Variants in MEGF6 observed in about 807,000 individuals in gnomAD.
MEGF6 encodes multiple EGF like domains 6.
A neutral mutation model predicts 207.1 loss-of-function variants in MEGF6; 184 were observed. The ratio of observed to expected loss-of-function variants is 0.89; its 90% confidence interval spans 0.79 to 1.00. The LOEUF (loss-of-function observed/expected upper bound fraction) is 1.00, where lower values mean the gene tolerates loss of function less well. Ranked by LOEUF, MEGF6 falls within the 50% of genes least tolerant of loss-of-function variation. The pLI is 0.00. For synonymous variants in MEGF6, 1,038 were observed against 910.0 expected (o/e 1.14, Z -2.53); for missense variants, 2,282 against 2,202.9 (o/e 1.04, Z -0.72).
chr1:3,554,166 C>A (rs1174118692), intron 4 of MEGF6, among the ~76,000 whole-genome samples: 4 of 152,158 alleles, frequency 2.6e-5, no homozygotes, highest in Admixed American at 6.5e-5. Context: ...GCCACCGTGA[C>A]CCCCTTGCCA....
upstream of MEGF6, among the ~76,000 whole-genome samples, chr1:3,611,962 A>AG (rs1440531396): frequency 6.6e-6 from 1 of 152,102 alleles, no homozygotes; most frequent in African/African-American, 2.4e-5. Context: ...GACAGCCCTC[A>AG]GCCTCCCTCA....
intron 3 of MEGF6, among the ~76,000 whole-genome samples, chr1:3,586,087 A>G (rs187743971): frequency 7.3e-6 from 1 of 137,010 alleles, no homozygotes; most frequent in South Asian, 2.3e-4. Flanking sequence ...TGTGGGTGTG[A>G]GGACACATGT....
At position 3,553,287 on chromosome 1, in the gene MEGF6, T is replaced by C. The variant is rs567609004; in HGVS notation, c.481+26538A>G. On this transcript the variant is annotated intron_variant, in intron 4 of 36. Transcript: ENST00000356575. ...CCCAGCTCCCCCCACCCCAGGGTAC[T>C]CCGGGTACCCTGTGAGCCTGGCGCC... 4.6e-4 allele frequency among the ~76,000 whole-genome samples: 69 copies of C among 151,538 alleles called. 1 individual carries two copies. Among genetic ancestry groups the C allele is most frequent in the African/African-American group, 1.5e-3 (63 of 41,240 alleles).
chr1:3,533,960 C>G (rs1044914065), intron 4 of MEGF6, among the ~76,000 whole-genome samples: 6 of 152,298 alleles, frequency 3.9e-5, no homozygotes, highest in African/African-American at 1.4e-4. Flanking sequence ...AAGCAGGAGG[C>G]ACCAGCCGCA....
chr1:3,569,924 G>A (rs1419023815), intron 4 of MEGF6, among the ~76,000 whole-genome samples: 1 of 152,244 alleles, frequency 6.6e-6, no homozygotes, highest in Admixed American at 6.5e-5. Flanking sequence ...TGTGCACAGA[G>A]CCAAGGCCAG....
rs1643164972 is a variant in MEGF6 at position 3,560,421 on chromosome 1, G to GA, written c.481+19403_481+19404insT. 1.3e-5 allele frequency among the ~76,000 whole-genome samples: 2 copies of GA among 152,168 alleles called. No individual in the cohort carries two copies. The highest frequency in any genetic ancestry group is 4.8e-5 in the African/African-American group (2 of 41,426). On this transcript the variant is annotated intron_variant, in intron 4 of 36. Transcript: ENST00000356575. This position sits in a 1 kb window ranked among gnomAD's most constrained non-coding sequence, Gnocchi z 4.0. ...CACCATTGTAAGATCACGCAGAGGA[G>GA]TTCCTGCCCTAAAAATCCTCTGTGC...
chr1:3,590,757 G>A lies in MEGF6; in HGVS notation c.376+4581C>T, dbSNP rs547433313. Among the ~76,000 whole-genome samples, 4 of 152,292 alleles carry A rather than the reference G, an allele frequency of 2.6e-5. No homozygotes were observed. The South Asian group carries it at 8.3e-4, about 32-fold the overall frequency. ...CTGCCAGCAGGGGCTGGAGGGTGAT[G>A]GAGAAACAAGGAAGGGGGCAAAGGG... On this transcript the variant is annotated intron_variant, in intron 3 of 36. Transcript: ENST00000356575.
chr1:3,597,046 G>A (rs1644079304), intron 2 of MEGF6, among the ~76,000 whole-genome samples: 1 of 152,194 alleles, frequency 6.6e-6, no homozygotes, highest in Non-Finnish European at 1.5e-5. Context: ...GGAGAGGGCT[G>A]GTCGGCCCGC....
intron 1 of MEGF6, among the ~76,000 whole-genome samples, chr1:3,608,860 T>C (rs1644288306): frequency 6.6e-6 from 1 of 152,134 alleles, no homozygotes. Context: ...GAAATTCACT[T>C]TGGAGTGACC....
chr1:3,585,766 G>A (rs1050914921), intron 3 of MEGF6, among the ~76,000 whole-genome samples: 2 of 143,512 alleles, frequency 1.4e-5, no homozygotes, highest in African/African-American at 2.6e-5. Context: ...TCCTGTGTGT[G>A]AGGACACTTG....
intron 4 of MEGF6, among the ~76,000 whole-genome samples, chr1:3,568,503 C>T (rs531254784): frequency 2.9e-4 from 44 of 152,194 alleles, no homozygotes; most frequent in African/African-American, 9.4e-4. Flanking sequence ...AGTCCCAGCA[C>T]GCACCCACTT....
rs1368911006 is a variant in MEGF6, at chr1:3,489,607, G to A, written c.*921C>T. ...CCCCACTGCTGATGCTCAGGTAGGG[G>A]TGGGTGGGGTGAGCCCAAGGGAGTT... On this transcript the variant is annotated 3_prime_UTR_variant, in exon 37 of 37. Coordinates refer to ENST00000356575, the MANE Select transcript of MEGF6 (RefSeq NM_001409.4). Among the ~76,000 whole-genome samples the A allele has an allele frequency of 6.6e-6, 1 of 152,206 alleles. No homozygotes were observed. The highest frequency in any genetic ancestry group is 6.5e-5 in the Admixed American group (1 of 15,278).
chr1:3,551,724 G>A (rs530631237), intron 4 of MEGF6, among the ~76,000 whole-genome samples: 52 of 152,224 alleles, frequency 3.4e-4, no homozygotes, highest in East Asian at 1.4e-3. Flanking sequence ...AGGGGAGCCC[G>A]AGATGGGGGA....
chr1:3,491,178 A>G (rs895198291), intron 35 of MEGF6, among the ~76,000 whole-genome samples: 5 of 151,900 alleles, frequency 3.3e-5, no homozygotes. Flanking sequence ...AGCCCCTCCA[A>G]GCCTCTACTA....
Position 3,601,694 on chromosome 1 carries a change from C to T in MEGF6, c.266+772G>A, listed in dbSNP as rs533339856. On this transcript the variant is annotated intron_variant, in intron 2 of 36. Coordinates refer to ENST00000356575, the MANE Select transcript of MEGF6 (RefSeq NM_001409.4). ...CCCTGAGTGAGAACCACCATTATTG[C>T]TTAACGGTTTTTTTCTCCTCTACTC... 2.4e-4 allele frequency among the ~76,000 whole-genome samples: 36 copies of T among 152,360 alleles called. 1 individual carries two copies. The highest frequency in any genetic ancestry group is 8.2e-4 in the African/African-American group (34 of 41,574).
At chr1:3,531,187 C>A (rs540594791) in intron 4 of MEGF6, 3 of 1,520,412 alleles carry the variant, frequency 2.0e-6, no homozygotes, top group African/African-American at 1.4e-5. Flanking sequence ...GCGCGCCAGG[C>A]CCCCCAGGAG....
intron 3 of MEGF6, among the ~76,000 whole-genome samples, chr1:3,584,698 C>G (rs529773187): frequency 6.6e-6 from 1 of 152,290 alleles, no homozygotes; most frequent in South Asian, 2.1e-4. Context: ...GGGACGGAGC[C>G]GAGGATCAGG....
chr1:3,540,144 T>C (rs191834261), intron 4 of MEGF6, among the ~76,000 whole-genome samples: 2 of 152,360 alleles, frequency 1.3e-5, no homozygotes, highest in African/African-American at 4.8e-5. Flanking sequence ...TGTCTTTCTG[T>C]TGCTGGGCTG....
chr1:3,498,268 G>C (rs1489298115), intron 26 of MEGF6, 103 bp downstream of exon 26: 1 of 1,393,522 alleles, frequency 7.2e-7, no homozygotes, highest in Non-Finnish European at 9.5e-7. Flanking sequence ...CAGGTCCCCT[G>C]GTGAGGCCCC....
Sources: allele counts gnomAD v4.1 joint callset (sites outside exome capture counted in the v4.1 genomes callset), GRCh38; gene constraint gnomAD v4.1.1; non-coding constraint Gnocchi (gnomAD v3.1); transcripts MANE v1.5; gene names NCBI Gene and HGNC (gene_info 2026-07-23, HGNC 2026-07-21).